The following JAK1 variants were observed in gnomAD, a reference collection of about 807,000 sequenced individuals.
JAK1 encodes Janus kinase 1.
Under a neutral mutation model 136.6 loss-of-function variants are expected in JAK1, and 16 were observed. The ratio of observed to expected loss-of-function variants is 0.12; its 90% CI spans 0.08 to 0.18. JAK1 has a LOEUF of 0.18. JAK1 is among the 10% of genes least tolerant of loss of function. JAK1 has a pLI of 1.00. For missense variants in JAK1, 859 were observed against 1,450.1 expected, an observed-to-expected ratio of 0.59 and a Z score of 6.62; for synonymous variants, 492 against 519.5, an observed-to-expected ratio of 0.95 and a Z score of 0.72.
intron 2 of JAK1, among the ~76,000 whole-genome samples, chr1:65,004,283 G>A (rs1418712973): frequency 6.6e-6 from 1 of 152,180 alleles, no homozygotes; most frequent in East Asian, 1.9e-4. Flanking sequence ...AAGAAAAGGA[G>A]GAAGAGGAGG....
At chr1:64,901,264 C>G (rs1398240102) in intron 1 of JAK1, among the ~76,000 whole-genome samples, 1 of 152,178 alleles carries the variant, frequency 6.6e-6, no homozygotes, top group Non-Finnish European at 1.5e-5. Flanking sequence ...TCACCTAATC[C>G]ATGCAGACAC....
chr1:65,058,748 A>G (rs1196968196), intron 1 of JAK1, among the ~76,000 whole-genome samples: 2 of 152,220 alleles, frequency 1.3e-5, no homozygotes, highest in Non-Finnish European at 2.9e-5. Flanking sequence ...GAGGATGAAC[A>G]ACTGCATGAT....
chr1:64,864,333 G>A (rs369231581), intron 8 of JAK1, among the ~76,000 whole-genome samples: 8 of 152,336 alleles, frequency 5.3e-5, no homozygotes, highest in African/African-American at 1.7e-4. Flanking sequence ...TCCTCTGTCC[G>A]AGAGTCACTG....
At chr1:65,001,855 G>A (rs1646761443) in intron 2 of JAK1, among the ~76,000 whole-genome samples, 1 of 151,834 alleles carries the variant, frequency 6.6e-6, no homozygotes, top group Admixed American at 6.6e-5. Flanking sequence ...TGATTTTCCC[G>A]TTGAGTGGAT....
chr1:64,850,812 G>A lies in JAK1; in HGVS notation c.1747C>T (p.Leu583=), dbSNP rs1220790244. The A allele has an allele frequency of 3.7e-6, 6 of 1,613,314 alleles. No homozygotes were observed. The highest frequency in any genetic ancestry group is 5.1e-6 in the Non-Finnish European group (6 of 1,179,346). The change falls in exon 12 of 25, where the codon CTG becomes TTG. Residue 583 remains leucine (L), a synonymous_variant. Transcript: ENST00000342505. Reference sequence around the variant, plus strand: ...CTGCAGCCGTGACTCACCTGCACCAGATCCTTCTTGAGGATCCGATCGAAA... The same window carrying A: ...CTGCAGCCGTGACTCACCTGCACCAAATCCTTCTTGAGGATCCGATCGAAA... ...LSFDRILKKD[L]VQGEHLGRGT... is the part of the protein sequence containing the mutation.
intron 1 of JAK1, chr1:64,942,412 A>AG (rs1645906290): frequency 6.6e-6 from 1 of 152,196 alleles, no homozygotes; most frequent in Non-Finnish European, 1.5e-5. Flanking sequence ...GGTAATAAAC[A>AG]TGATAACTGA....
chr1:64,916,767 G>C (rs1378383156), intron 1 of JAK1, among the ~76,000 whole-genome samples: 1 of 151,760 alleles, frequency 6.6e-6, no homozygotes, highest in Non-Finnish European at 1.5e-5. Context: ...GAACCGGGAG[G>C]CAGAGGTTGC....
chr1:64,912,233 C>G (rs1463617416), intron 1 of JAK1, among the ~76,000 whole-genome samples: 5 of 152,190 alleles, frequency 3.3e-5, no homozygotes, highest in Non-Finnish European at 7.3e-5. Flanking sequence ...TGAGGCCCAT[C>G]TGTTCTAATG....
At chr1:65,003,891 C>T (rs956222610) in intron 2 of JAK1, 8 of 152,214 alleles carry the variant, frequency 5.3e-5, no homozygotes, top group South Asian at 2.1e-4. Context: ...AATGCCAAAA[C>T]AATATATTAA....
intron 2 of JAK1, among the ~76,000 whole-genome samples, chr1:65,035,037 C>T (rs1342802896): frequency 6.6e-6 from 1 of 151,244 alleles, no homozygotes; most frequent in African/African-American, 2.4e-5. Context: ...GCTTGGGCAA[C>T]AAGAGTGAAA....
chr1:64,928,539 C>G (rs1645621935), intron 1 of JAK1, among the ~76,000 whole-genome samples: 1 of 151,986 alleles, frequency 6.6e-6, no homozygotes, highest in Non-Finnish European at 1.5e-5. Context: ...GCTTCCTGCC[C>G]CCTCCAGGAG....
chr1:64,920,331 G>C (rs1041969728), intron 1 of JAK1, among the ~76,000 whole-genome samples: 3 of 152,066 alleles, frequency 2.0e-5, no homozygotes, highest in African/African-American at 7.2e-5. Flanking sequence ...CTTGAGCCCA[G>C]GAATTCAAGA....
intron 1 of JAK1, among the ~76,000 whole-genome samples, chr1:64,963,724 T>C (rs1466800911): frequency 1.3e-5 from 2 of 152,108 alleles, no homozygotes; most frequent in Non-Finnish European, 2.9e-5. Context: ...ATTTTGCAAA[T>C]GAAGAAAAGA....
chr1:65,000,313 T>C (rs939474263), intron 2 of JAK1, among the ~76,000 whole-genome samples: 6 of 151,922 alleles, frequency 3.9e-5, no homozygotes, highest in Admixed American at 2.6e-4. Flanking sequence ...TTCCAGAAAA[T>C]CTACCCATGC....
At chr1:65,018,642 A>G (rs1693161) in intron 2 of JAK1, among the ~76,000 whole-genome samples, 33,055 of 152,212 alleles carry the variant, frequency 0.22, 4,757 homozygotes, top group African/African-American at 0.38. Flanking sequence ...GACTAATTTC[A>G]TCGGGGAAAA....
At chr1:64,841,709 A>C in intron 17 of JAK1, 108 bp from the exon 18 acceptor site, 14 of 1,102,644 alleles carry the variant, frequency 1.3e-5, no homozygotes, top group Non-Finnish European at 1.6e-5. Context: ...CAACATCTCC[A>C]CTTACAGGTA....
At chr1:64,881,824 T>C (rs1353033726) in intron 3 of JAK1, among the ~76,000 whole-genome samples, 3 of 152,142 alleles carry the variant, frequency 2.0e-5, no homozygotes, top group African/African-American at 7.2e-5. Context: ...TCTGCAACAA[T>C]GACCTTTGCT....
At chr1:65,046,327 C>G (rs74348402) in intron 1 of JAK1, among the ~76,000 whole-genome samples, 2,470 of 152,244 alleles carry the variant, frequency 0.016, 57 homozygotes, top group African/African-American at 0.057. Flanking sequence ...AAGTCAGACA[C>G]GGACAAGCTG....
chr1:64,996,961 T>C (rs2100738033), intron 2 of JAK1, among the ~76,000 whole-genome samples: 1 of 152,342 alleles, frequency 6.6e-6, no homozygotes, highest in East Asian at 1.9e-4. Context: ...AGGAAATATG[T>C]ATATTTCCTC....
Sources: allele counts gnomAD v4.1 joint callset (sites outside exome capture counted in the v4.1 genomes callset), GRCh38; gene constraint gnomAD v4.1.1; transcripts MANE v1.5; gene names NCBI Gene and HGNC (gene_info 2026-07-23, HGNC 2026-07-21).